Variants in NPAS2 observed in about 807,000 individuals in gnomAD.
The protein encoded by NPAS2 is neuronal PAS domain protein 2, also known as neuronal PAS domain-containing protein 2.
Under a neutral mutation model 107.5 loss-of-function variants are expected in NPAS2, and 23 were observed. That is an observed-to-expected ratio of 0.21 (90% CI 0.15 to 0.30). NPAS2 has a LOEUF of 0.30. Among genes scored for constraint, NPAS2 ranks in the 10% least tolerant of loss-of-function variants. The pLI is 1.00. For missense variants in NPAS2, 756 were observed against 1,043.3 expected, an observed-to-expected ratio of 0.72 and a Z score of 3.79; for synonymous variants, 403 against 417.5, an observed-to-expected ratio of 0.97 and a Z score of 0.42.
chr2:100,844,109 ACC>A (rs1677622272), intron 1 of NPAS2, among the ~76,000 whole-genome samples: 1 of 152,142 alleles, frequency 6.6e-6, no homozygotes, highest in Non-Finnish European at 1.5e-5. Flanking sequence ...CAGCCTGGCC[ACC>A]CAATTTCTCC....
chr2:100,974,906 C>G lies in NPAS2; in HGVS notation c.1244C>G (p.Ser415Cys). Residue 415 changes from serine (S) to cysteine (C), a missense_variant, in exon 13 of 21, where the codon TCC becomes TGC. Ser to Cys is a moderately radical substitution (Grantham distance 112). Coordinates refer to ENST00000335681, the MANE Select transcript of NPAS2 (RefSeq NM_002518.4). ...TCGCCATCGGCGTCCTCAAGAAGTT[C>G]CCACAAATCCTCGCACACAGCCATG... ...SHSPSASSRS[S>C]HKSSHTAMSE... is the part of the protein sequence containing the mutation. 1.9e-6 allele frequency: 3 copies of G among 1,614,002 alleles called. No homozygotes were observed. Among genetic ancestry groups the G allele is most frequent in the Non-Finnish European group, 2.5e-6 (3 of 1,179,944 alleles).
chr2:100,953,925 C>T (rs1045299414), intron 7 of NPAS2, among the ~76,000 whole-genome samples: 1 of 152,210 alleles, frequency 6.6e-6, no homozygotes, highest in Non-Finnish European at 1.5e-5. Flanking sequence ...AACACAAAGA[C>T]ACACAGTCAT....
chr2:100,993,496 C>T lies in NPAS2; in HGVS notation c.2261C>T (p.Ala754Val), dbSNP rs1439643570. 1 of 1,597,344 alleles carries T rather than the reference C, an allele frequency of 6.3e-7. No individual in the cohort carries two copies. The highest frequency in any genetic ancestry group is 8.5e-7 in the Non-Finnish European group (1 of 1,172,124). Residue 754 changes from alanine to valine, a missense_variant, in exon 20 of 21, where the codon GCC becomes GTC. By Grantham distance (64) the Ala-to-Val change is moderately conservative. Coordinates refer to ENST00000335681, the MANE Select transcript of NPAS2 (RefSeq NM_002518.4). ...SQPSPLQPAQ[A>V]RQQPPQHYLQ... ...CCATCGCCCCTGCAGCCTGCACAGG[C>T]CCGGCAGCAGCCACCGCAGCACTAC... is the stretch of plus-strand genomic sequence containing the variant.
chr2:100,963,665 C>A (rs779871108), intron 7 of NPAS2, among the ~76,000 whole-genome samples: 4 of 152,222 alleles, frequency 2.6e-5, no homozygotes, highest in Non-Finnish European at 4.4e-5. Flanking sequence ...ATCTTCCCGC[C>A]TCAGCCTCCC....
At chr2:100,962,018 T>A (rs893450355) in intron 7 of NPAS2, among the ~76,000 whole-genome samples, 1 of 152,192 alleles carries the variant, frequency 6.6e-6, no homozygotes, top group Non-Finnish European at 1.5e-5. Context: ...CTCTTTTTTT[T>A]AATTATGCGG....
chr2:100,915,992 T>C lies in NPAS2; in HGVS notation c.33-9154T>C, dbSNP rs572145218. Among the ~76,000 whole-genome samples, 20 of 152,312 alleles carry C rather than the reference T, an allele frequency of 1.3e-4. No homozygotes were observed. In the East Asian group the frequency reaches 3.3e-3, roughly 25 times the overall value. On this transcript the variant is annotated intron_variant, in intron 2 of 20. Coordinates refer to ENST00000335681, the MANE Select transcript of NPAS2 (RefSeq NM_002518.4). Reference sequence around the variant, plus strand: ...AGGGGGCTATATAGAGAAAAGTTTCTAGATTCCATTTGAAATGATAAAATA... The same window carrying C: ...AGGGGGCTATATAGAGAAAAGTTTCCAGATTCCATTTGAAATGATAAAATA...
chr2:100,988,465 G>C, intron 17 of NPAS2, 189 bp downstream of exon 17: 1 of 587,360 alleles, frequency 1.7e-6, no homozygotes, highest in South Asian at 2.2e-5. Flanking sequence ...GAAACCCCAA[G>C]TTGTATTGGC....
chr2:100,850,264 G>A (rs1422036386), intron 1 of NPAS2, among the ~76,000 whole-genome samples: 1 of 152,134 alleles, frequency 6.6e-6, no homozygotes, highest in East Asian at 1.9e-4. Flanking sequence ...CTATAATCGA[G>A]TTCTCATATT....
At chr2:100,919,192 G>T (rs1242151742) in intron 2 of NPAS2, among the ~76,000 whole-genome samples, 1 of 152,216 alleles carries the variant, frequency 6.6e-6, no homozygotes, top group Non-Finnish European at 1.5e-5. Context: ...AGAGCATAGG[G>T]ATGGAGAACA....
Position 100,993,440 on chromosome 2 carries a change from G to A in NPAS2, c.2205G>A (p.Ala735=), listed in dbSNP as rs143935540. 1.1e-4 allele frequency: 175 copies of A among 1,613,188 alleles called. No individual in the cohort carries two copies. The highest frequency in any genetic ancestry group is 8.8e-4 in the African/African-American group (66 of 74,904). ...TGCCCGTCCTGCTGATGGGGCAGGC[G>A]GTGCTCCACCCCAGCTTCCCTGCCT... ...APMPVLLMGQ[A]VLHPSFPASQ... The change falls in exon 20 of 21, where the codon GCG becomes GCA. Residue 735 remains alanine, a synonymous_variant. Coordinates refer to ENST00000335681, the MANE Select transcript of NPAS2 (RefSeq NM_002518.4).
chr2:100,838,610 C>T (rs972290607), intron 1 of NPAS2, among the ~76,000 whole-genome samples: 4 of 152,108 alleles, frequency 2.6e-5, no homozygotes, highest in Admixed American at 6.5e-5. Context: ...ATAGTCAGTA[C>T]GCTGAGATGG....
intron 1 of NPAS2, among the ~76,000 whole-genome samples, chr2:100,830,060 T>C (rs1225204369): frequency 6.6e-6 from 1 of 152,194 alleles, no homozygotes; most frequent in Non-Finnish European, 1.5e-5. Context: ...ATCAGTAGAC[T>C]TCCTGGGGAC....
chr2:100,969,840 G>A (rs1036264662), intron 11 of NPAS2, among the ~76,000 whole-genome samples: 12 of 152,060 alleles, frequency 7.9e-5, no homozygotes, highest in Admixed American at 1.3e-4. Flanking sequence ...GCACCTAAAC[G>A]TATCTGAACA....
At chr2:100,923,208 G>A (rs1683346691) in intron 2 of NPAS2, among the ~76,000 whole-genome samples, 1 of 152,104 alleles carries the variant, frequency 6.6e-6, no homozygotes. Flanking sequence ...GGCTCGGCGA[G>A]GGACAGGGCC....
chr2:100,995,776 G>A lies in NPAS2; in HGVS notation c.*194G>A, dbSNP rs766472000. ...GTGGAAATGATCAGGAATACTGACC[G>A]TGTTTCTCTTGCCTCCGAGGTTCTT... On this transcript the variant is annotated 3_prime_UTR_variant, in exon 21 of 21. Coordinates refer to ENST00000335681, the MANE Select transcript of NPAS2 (RefSeq NM_002518.4). 1.7e-5 allele frequency: 27 copies of A among 1,548,902 alleles called. No homozygotes were observed. The highest frequency in any genetic ancestry group is 1.3e-4 in the South Asian group (11 of 83,206).
At chr2:100,824,325 C>T (rs1051021496) in intron 1 of NPAS2, among the ~76,000 whole-genome samples, 1 of 152,214 alleles carries the variant, frequency 6.6e-6, no homozygotes, top group Non-Finnish European at 1.5e-5. Flanking sequence ...CCCTCTCCTG[C>T]AGTCCCTGGC....
chr2:100,935,154 C>A, intron 4 of NPAS2: 1 of 942,298 alleles, frequency 1.1e-6, no homozygotes, highest in Non-Finnish European at 1.3e-6. Context: ...CTGGCAAAGA[C>A]TGTGGCTACC....
intron 1 of NPAS2, among the ~76,000 whole-genome samples, chr2:100,873,275 C>CATAT (rs376842348): frequency 1.0e-3 from 80 of 77,174 alleles, no homozygotes; most frequent in Non-Finnish European, 1.4e-3. Flanking sequence ...AAAAAAAATA[C>CATAT]ATATATATAT....
rs59267718 is a variant in NPAS2, at chr2:100,842,081, GCACACACA to G, written c.-23+21689_-23+21696del. Among the ~76,000 whole-genome samples, 100 of 148,900 alleles carry G rather than the reference GCACACACA, an allele frequency of 6.7e-4. 2 individuals are homozygous for G. The highest frequency in any genetic ancestry group is 4.3e-3 in the South Asian group (20 of 4,698). On this transcript the variant is annotated intron_variant, in intron 1 of 20. Transcript: ENST00000335681. ...TTCATGCATGAGTGTGCATGTACGC[GCACACACA>G]CACACACACACACACACACACTTAA...
Sources: allele counts gnomAD v4.1 joint callset (sites outside exome capture counted in the v4.1 genomes callset), GRCh38; gene constraint gnomAD v4.1.1; transcripts MANE v1.5; gene names NCBI Gene and HGNC (gene_info 2026-07-23, HGNC 2026-07-21).